Variants in ZBTB46 observed in about 807,000 individuals in gnomAD.
ZBTB46 encodes the protein zinc finger and BTB domain containing 46, also known as zinc finger and BTB domain-containing protein 46.
In ZBTB46, 8 loss-of-function variants were observed where a neutral mutation model predicts 44.1. The ratio of observed to expected loss-of-function variants is 0.18; its 90% CI spans 0.11 to 0.33. The LOEUF (loss-of-function observed/expected upper bound fraction) is 0.33. ZBTB46 is among the 10% of genes least tolerant of loss of function. The pLI is 1.00. For synonymous variants in ZBTB46, 409 were observed against 382.3 expected, an observed-to-expected ratio of 1.07 and a Z score of -0.81; for missense variants, 651 against 847.7, an observed-to-expected ratio of 0.77 and a Z score of 2.88.
At position 63,746,754 on chromosome 20, in the gene ZBTB46, T is replaced by A; in HGVS notation, c.*176A>T. ...TCTGGTCCCAGAGCACCCCTCTTGC[T>A]GGGGTCGCACCTGCTTAGCCCGCAG... On this transcript the variant is annotated 3_prime_UTR_variant, in exon 5 of 5. Transcript: ENST00000245663. 2 of 1,011,014 alleles carry A rather than the reference T, an allele frequency of 2.0e-6. No homozygotes were observed. The highest frequency in any genetic ancestry group is 1.4e-6 in the Non-Finnish European group (1 of 737,398). The allele number at this position is 1,011,014 out of a possible 1,614,324, so 62.6% of individuals were successfully genotyped here.
intron 3 of ZBTB46, among the ~76,000 whole-genome samples, chr20:63,755,585 C>A (rs1359516182): frequency 6.6e-6 from 1 of 152,336 alleles, no homozygotes; most frequent in Admixed American, 6.5e-5. Flanking sequence ...CAAAGAGTCA[C>A]ATCCACAAGC....
intron 2 of ZBTB46, among the ~76,000 whole-genome samples, chr20:63,777,481 A>C (rs1206154344): frequency 6.6e-6 from 1 of 152,084 alleles, no homozygotes; most frequent in South Asian, 2.1e-4. Flanking sequence ...ACAACAACAA[A>C]AAAGATCAGA....
chr20:63,789,894 A>G lies in ZBTB46; in HGVS notation c.864T>C (p.Asp288=), dbSNP rs773111985. 1 of 1,613,948 alleles carries G rather than the reference A, an allele frequency of 6.2e-7. No homozygotes were observed. Among genetic ancestry groups the G allele is most frequent in the East Asian group, 2.2e-5 (1 of 44,890 alleles). ...GCACCGGGGAGCTGGCCCGGCTGTCATCTTCCACCTGCTGTGTGATGTGCC... is the reference window on the plus strand; with the variant it reads ...GCACCGGGGAGCTGGCCCGGCTGTCGTCTTCCACCTGCTGTGTGATGTGCC... ...TVRHITQQVE[D]DSRASSPVPS... is the part of the protein sequence containing the mutation. Residue 288 remains aspartate (D), a synonymous_variant, in exon 2 of 5, where the codon GAT becomes GAC. Coordinates refer to ENST00000245663, the MANE Select transcript of ZBTB46 (RefSeq NM_001369741.1).
chr20:63,822,690 T>C (rs997500283), intron 1 of ZBTB46, among the ~76,000 whole-genome samples: 4 of 151,780 alleles, frequency 2.6e-5, no homozygotes, highest in African/African-American at 4.8e-5. Context: ...CACGAAAACA[T>C]GAGAGTGAAG....
intron 1 of ZBTB46, among the ~76,000 whole-genome samples, chr20:63,807,813 G>T (rs867937892): frequency 6.6e-6 from 1 of 152,264 alleles, no homozygotes; most frequent in Non-Finnish European, 1.5e-5. Flanking sequence ...CTCAGGGCTC[G>T]CTCCCCCTCC....
intron 1 of ZBTB46, among the ~76,000 whole-genome samples, chr20:63,807,553 C>T (rs1015137339): frequency 4.6e-5 from 7 of 152,146 alleles, no homozygotes; most frequent in Non-Finnish European, 8.8e-5. Flanking sequence ...CCATGTTGGC[C>T]AGGCTGGTCT....
At chr20:63,796,317 C>T (rs2092603988) in intron 1 of ZBTB46, among the ~76,000 whole-genome samples, 1 of 152,202 alleles carries the variant, frequency 6.6e-6, no homozygotes, top group Non-Finnish European at 1.5e-5. Flanking sequence ...CCTCGGGTGC[C>T]CCCTGCTGGC....
intron 3 of ZBTB46, among the ~76,000 whole-genome samples, chr20:63,768,300 T>C (rs1601423043): frequency 6.6e-6 from 1 of 152,356 alleles, no homozygotes; most frequent in South Asian, 2.1e-4. Context: ...AGGCTCATCC[T>C]AGCACTTTGG....
At chr20:63,826,857 A>G (rs2092822265) in intron 1 of ZBTB46, among the ~76,000 whole-genome samples, 1 of 152,220 alleles carries the variant, frequency 6.6e-6, no homozygotes, top group South Asian at 2.1e-4. Context: ...CTACCCCCAC[A>G]GCTGACCAGC....
intron 3 of ZBTB46, among the ~76,000 whole-genome samples, chr20:63,762,191 A>T (rs564128164): frequency 9.8e-5 from 15 of 152,334 alleles, no homozygotes; most frequent in African/African-American, 3.4e-4. Flanking sequence ...ATTTCCAGGA[A>T]TTCAAGGTGA....
chr20:63,778,866 T>C (rs1219668684), intron 2 of ZBTB46, among the ~76,000 whole-genome samples: 2 of 152,224 alleles, frequency 1.3e-5, no homozygotes, highest in Non-Finnish European at 2.9e-5. Flanking sequence ...CATGACAAAA[T>C]ACCACAGGCA....
At chr20:63,802,455 T>C (rs1413886469) in intron 1 of ZBTB46, among the ~76,000 whole-genome samples, 1 of 143,454 alleles carries the variant, frequency 7.0e-6, no homozygotes, top group Non-Finnish European at 1.5e-5. Context: ...GGGCCCCTAA[T>C]CCAGTATGAT....
chr20:63,765,071 GTGTGCGTGTGCA>G (rs2092308305), intron 3 of ZBTB46, among the ~76,000 whole-genome samples: 2 of 103,500 alleles, frequency 1.9e-5, no homozygotes, highest in Non-Finnish European at 3.9e-5. Flanking sequence ...GTATGTGCAT[GTGTGCGTGTGCA>G]TGTGTGCATG....
At chr20:63,761,481 T>C (rs749744027) in intron 3 of ZBTB46, among the ~76,000 whole-genome samples, 6 of 152,124 alleles carry the variant, frequency 3.9e-5, no homozygotes, top group Non-Finnish European at 8.8e-5. Context: ...TTTTTCATTA[T>C]CATTCAGTTA....
chr20:63,784,008 G>A (rs1421295668), intron 2 of ZBTB46, among the ~76,000 whole-genome samples: 3 of 152,196 alleles, frequency 2.0e-5, no homozygotes, highest in Non-Finnish European at 2.9e-5. Context: ...AGGAGTCCCT[G>A]CAGGGACGTA....
At position 63,811,131 on chromosome 20, in the gene ZBTB46, G is replaced by A. The variant is rs374217333; in HGVS notation, c.-34+19966C>T. ...ATGGGCATGAGCCCCACCCCGCCCA[G>A]CCCACAGAGGCGAGTCTGGGTCCCA... On this transcript the variant is annotated intron_variant, in intron 1 of 4. Coordinates refer to ENST00000245663, the MANE Select transcript of ZBTB46 (RefSeq NM_001369741.1). Among the ~76,000 whole-genome samples the A allele has an allele frequency of 6.1e-5, 9 of 147,336 alleles. No individual in the cohort carries two copies. The East Asian group carries it at 1.3e-3, about 21-fold the overall frequency.
At chr20:63,833,718 CAG>C (rs2092862127), upstream of ZBTB46, among the ~76,000 whole-genome samples, 1 of 152,220 alleles carries the variant, frequency 6.6e-6, no homozygotes, top group Admixed American at 6.5e-5. Context: ...AGTGACGGGA[CAG>C]AGACTCCTGA....
chr20:63,833,408 G>A (rs1187177835), upstream of ZBTB46, among the ~76,000 whole-genome samples: 16 of 152,254 alleles, frequency 1.1e-4, no homozygotes, highest in South Asian at 2.1e-4. Context: ...TGGCTAACAC[G>A]GTGAAACCCC....
chr20:63,759,599 C>CCTGA (rs1428418535), intron 3 of ZBTB46, among the ~76,000 whole-genome samples: 1 of 152,078 alleles, frequency 6.6e-6, no homozygotes, highest in Non-Finnish European at 1.5e-5. Context: ...AAGGGAGGTT[C>CCTGA]CTGACATGAC....
Sources: allele counts gnomAD v4.1 joint callset (sites outside exome capture counted in the v4.1 genomes callset), GRCh38; gene constraint gnomAD v4.1.1; transcripts MANE v1.5; gene names NCBI Gene and HGNC (gene_info 2026-07-23, HGNC 2026-07-21).